The following WIPF1 variants were observed in gnomAD, a reference collection of about 807,000 sequenced individuals.
WIPF1 encodes the protein WAS/WASL interacting protein family member 1.
A neutral mutation model predicts 35.4 loss-of-function variants in WIPF1; 13 were observed. The ratio of observed to expected loss-of-function variants is 0.37; its 90% confidence interval spans 0.24 to 0.58. The LOEUF (loss-of-function observed/expected upper bound fraction) is 0.58. WIPF1 is among the 20% of genes least tolerant of loss of function. The probability of loss-of-function intolerance (pLI) is 0.74; values close to 1 mark genes in which losing one functional copy is unlikely to be tolerated. For synonymous variants in WIPF1, 267 were observed against 266.3 expected, an observed-to-expected ratio of 1.00 and a Z score of -0.02; for missense variants, 591 against 667.0, an observed-to-expected ratio of 0.89 and a Z score of 1.25.
At chr2:174,611,194 T>C (rs541202501) in intron 1 of WIPF1, among the ~76,000 whole-genome samples, 1 of 152,256 alleles carries the variant, frequency 6.6e-6, no homozygotes, top group South Asian at 2.1e-4. Flanking sequence ...TTACCCTCTG[T>C]TTTATGCTGT....
intron 1 of WIPF1, among the ~76,000 whole-genome samples, chr2:174,603,880 G>T (rs567819217): frequency 1.4e-4 from 22 of 152,062 alleles, no homozygotes; most frequent in Admixed American, 1.4e-3. Flanking sequence ...AATCCCAAAA[G>T]ATCAAAATCC....
chr2:174,588,317 C>T (rs1405284173), intron 1 of WIPF1, among the ~76,000 whole-genome samples: 1 of 152,192 alleles, frequency 6.6e-6, no homozygotes, highest in African/African-American at 2.4e-5. Context: ...ACTCCACGTT[C>T]ACCGATTAAC....
intron 6 of WIPF1, among the ~76,000 whole-genome samples, chr2:174,567,653 C>G (rs1476270509): frequency 8.5e-5 from 13 of 152,172 alleles, no homozygotes; most frequent in Non-Finnish European, 7.3e-5. Flanking sequence ...GAAAAATGAT[C>G]CGCCTTTTTG....
chr2:174,636,266 T>C (rs1285482886), intron 1 of WIPF1, among the ~76,000 whole-genome samples: 2 of 152,240 alleles, frequency 1.3e-5, no homozygotes, highest in Admixed American at 1.3e-4. Flanking sequence ...GTGTTCTGTG[T>C]GGAATTTTTA....
chr2:174,675,943 TTTTA>T (rs1038197359), intron 1 of WIPF1, among the ~76,000 whole-genome samples: 2 of 144,402 alleles, frequency 1.4e-5, no homozygotes, highest in Admixed American at 7.1e-5. Context: ...TTTGCTTTCA[TTTTA>T]TTTATTTATT....
Position 174,562,104 on chromosome 2 carries a change from C to G in WIPF1, c.*443G>C. 6.4e-7 allele frequency: 1 copy of G among 1,550,644 alleles called. No homozygotes were observed. The highest frequency in any genetic ancestry group is 1.2e-5 in the South Asian group (1 of 84,066). ...ACTGCAAGTTTCCAGTGAGCCCTTA[C>G]TCAGCAGCTTGCTTAGGTGGTCTGT... is the stretch of plus-strand genomic sequence containing the variant. On this transcript the variant is annotated 3_prime_UTR_variant, in exon 8 of 8. Coordinates refer to ENST00000679041, the MANE Select transcript of WIPF1 (RefSeq NM_001375834.1).
At chr2:174,657,438 G>T (rs1252807335) in intron 1 of WIPF1, among the ~76,000 whole-genome samples, 1 of 152,218 alleles carries the variant, frequency 6.6e-6, no homozygotes, top group African/African-American at 2.4e-5. Flanking sequence ...CGGCTTGAAT[G>T]CTGCATGCTT....
intron 1 of WIPF1, among the ~76,000 whole-genome samples, chr2:174,674,530 C>G (rs1435967967): frequency 6.6e-6 from 1 of 152,130 alleles, no homozygotes. Context: ...TATTTCAATA[C>G]AGAACAATTA....
At chr2:174,563,460 T>C (rs1684548724) in intron 7 of WIPF1, among the ~76,000 whole-genome samples, 1 of 152,068 alleles carries the variant, frequency 6.6e-6, no homozygotes, top group South Asian at 2.1e-4. Flanking sequence ...CCCAGCTACC[T>C]GGGAGGCTGT....
Position 174,571,798 on chromosome 2 carries a change from T to C in WIPF1, c.1007A>G (p.Gln336Arg). The C allele has an allele frequency of 5.6e-6, 9 of 1,614,154 alleles. No homozygotes were observed. The highest frequency in any genetic ancestry group is 7.6e-6 in the Non-Finnish European group (9 of 1,180,020). ...SGNDETPRLP[Q>R]RNLSLSSSTP... The stretch of plus-strand genomic sequence containing the variant: ...GGACGAACTGAGGGACAGATTCCGC[T>C]GTGGGAGTCTTGGGGTTTCGTCATT... The change falls in exon 5 of 8, where the codon CAG (glutamine) becomes CGG (arginine). Residue 336 changes from glutamine (Q) to arginine (R), a missense_variant. By Grantham distance (43) the Gln-to-Arg change is conservative. Coordinates refer to ENST00000679041, the MANE Select transcript of WIPF1 (RefSeq NM_001375834.1). This position sits in a 1 kb window ranked among gnomAD's most constrained non-coding sequence, Gnocchi z 4.6.
intron 1 of WIPF1, among the ~76,000 whole-genome samples, chr2:174,636,661 G>A (rs929794860): frequency 3.9e-5 from 6 of 152,180 alleles, no homozygotes; most frequent in Non-Finnish European, 8.8e-5. Flanking sequence ...CCACTTGGCT[G>A]TGATGGTTTC....
intron 1 of WIPF1, among the ~76,000 whole-genome samples, chr2:174,611,963 C>A (rs1686362018): frequency 6.6e-6 from 1 of 152,168 alleles, no homozygotes; most frequent in South Asian, 2.1e-4. Flanking sequence ...GTGGCATGAT[C>A]AACTCGCTGC....
At chr2:174,564,836 C>T (rs1452335150) in intron 7 of WIPF1, among the ~76,000 whole-genome samples, 1 of 151,482 alleles carries the variant, frequency 6.6e-6, no homozygotes, top group Non-Finnish European at 1.5e-5. Flanking sequence ...CACACACACA[C>T]ACACACACAC....
chr2:174,571,294 C>A lies in WIPF1; in HGVS notation c.1129+382G>T. Reference sequence around the variant, plus strand: ...TCCCCTCTTGTTGGAATAACAGAGCCCTCCTGCGGGAGGTGGGGACTTATT... The same window carrying A: ...TCCCCTCTTGTTGGAATAACAGAGCACTCCTGCGGGAGGTGGGGACTTATT... On this transcript the variant is annotated intron_variant, in intron 5 of 7. Transcript: ENST00000679041. The surrounding 1 kb of genome is among the most constrained non-coding windows in gnomAD (Gnocchi z 4.6). 1 of 460,960 alleles carries A rather than the reference C, an allele frequency of 2.2e-6. No homozygotes were observed. 28.6% of individuals were successfully genotyped at this position (460,960 alleles called of 1,614,324 possible).
At chr2:174,562,828 C>T (rs761655842) in intron 7 of WIPF1, among the ~76,000 whole-genome samples, 1 of 151,988 alleles carries the variant, frequency 6.6e-6, no homozygotes, top group African/African-American at 2.4e-5. Context: ...AGTACTTGCA[C>T]AAAGTTAAAA....
intron 1 of WIPF1, among the ~76,000 whole-genome samples, chr2:174,657,329 T>A (rs1321322571): frequency 6.6e-6 from 1 of 152,228 alleles, no homozygotes; most frequent in Non-Finnish European, 1.5e-5. Flanking sequence ...AAATTATCAA[T>A]GTATGTCTAG....
chr2:174,575,515 G>C (rs1685029322), intron 3 of WIPF1, 135 bp from the exon 4 acceptor site: 1 of 1,417,970 alleles, frequency 7.1e-7, no homozygotes, highest in Non-Finnish European at 9.3e-7. Context: ...TAAAATGCAG[G>C]ATTTTAAGAG....
intron 1 of WIPF1, among the ~76,000 whole-genome samples, chr2:174,592,750 C>A (rs192739370): frequency 6.6e-6 from 1 of 151,840 alleles, no homozygotes; most frequent in East Asian, 1.9e-4. Context: ...GGATTACAGG[C>A]GTGTGCCATC....
At chr2:174,610,467 C>A (rs1222003728) in intron 1 of WIPF1, among the ~76,000 whole-genome samples, 1 of 151,976 alleles carries the variant, frequency 6.6e-6, no homozygotes, top group Non-Finnish European at 1.5e-5. Flanking sequence ...TTGGGAATAA[C>A]AAACCACAAA....
Sources: gnomAD v4.1 joint callset for allele counts (sites outside exome capture counted in the v4.1 genomes callset) on GRCh38, gnomAD v4.1.1 for gene constraint, Gnocchi (gnomAD v3.1) non-coding constraint, MANE v1.5 for transcripts, NCBI Gene and HGNC (gene_info 2026-07-23, HGNC 2026-07-21) for gene names.